Variants in PRKRIP1 observed in about 807,000 individuals in gnomAD.
The protein encoded by PRKRIP1 is PRKR interacting protein 1, also known as PRKR-interacting protein 1.
Under a neutral mutation model 29.3 loss-of-function variants are expected in PRKRIP1, and 29 were observed. That is an observed-to-expected ratio of 0.99 (90% CI 0.74 to 1.35). PRKRIP1 has a LOEUF of 1.35. PRKRIP1 is among the 40% of genes most tolerant of loss of function. The pLI is 0.00. For synonymous variants in PRKRIP1, 90 were observed against 85.1 expected (o/e 1.06, Z -0.32); for missense variants, 247 against 236.8 (o/e 1.04, Z -0.28).
intron 5 of PRKRIP1, among the ~76,000 whole-genome samples, chr7:102,418,531 A>G (rs966511059): frequency 2.0e-5 from 3 of 152,076 alleles, no homozygotes; most frequent in Admixed American, 6.6e-5. Context: ...ACCCATAACC[A>G]TCCCCATCCA....
chr7:102,421,563 C>T (rs974776285), intron 5 of PRKRIP1, among the ~76,000 whole-genome samples: 1 of 152,086 alleles, frequency 6.6e-6, no homozygotes, highest in African/African-American at 2.4e-5. Flanking sequence ...CTTTGGGAGG[C>T]CAAGGTGGGC....
chr7:102,418,709 A>G (rs1045865726), intron 5 of PRKRIP1, among the ~76,000 whole-genome samples: 8 of 152,246 alleles, frequency 5.3e-5, no homozygotes, highest in African/African-American at 1.9e-4. Flanking sequence ...GCCAGCATAC[A>G]TGGATAATGG....
intron 5 of PRKRIP1, among the ~76,000 whole-genome samples, chr7:102,417,362 C>T (rs1554573231): frequency 2.0e-5 from 3 of 152,080 alleles, no homozygotes; most frequent in Non-Finnish European, 2.9e-5. Flanking sequence ...GGGCTGTGTT[C>T]CTCCTCCCTG....
chr7:102,423,173 G>A, intron 5 of PRKRIP1: 1 of 449,652 alleles, frequency 2.2e-6, no homozygotes, highest in South Asian at 1.6e-5. Context: ...GGAGTGCAGT[G>A]GCGCTATCTC....
chr7:102,423,511 G>C, intron 5 of PRKRIP1: 1 of 218,238 alleles, frequency 4.6e-6, no homozygotes, highest in Admixed American at 5.3e-5. Context: ...GAGATCTCGA[G>C]CAGCAAGTTC....
chr7:102,405,179 G>A (rs141114451), intron 4 of PRKRIP1, among the ~76,000 whole-genome samples: 109 of 152,144 alleles, frequency 7.2e-4, no homozygotes, highest in Middle Eastern at 3.4e-3. Flanking sequence ...CGCCTGCTTC[G>A]GCCTCCCAAA....
intron 5 of PRKRIP1, among the ~76,000 whole-genome samples, chr7:102,421,947 C>T (rs1370087206): frequency 3.3e-5 from 5 of 152,074 alleles, no homozygotes; most frequent in African/African-American, 9.7e-5. Context: ...CTATTTTCCA[C>T]TGTATGAATG....
At chr7:102,416,104 C>T (rs1306702795) in intron 5 of PRKRIP1, among the ~76,000 whole-genome samples, 1 of 152,268 alleles carries the variant, frequency 6.6e-6, no homozygotes, top group Non-Finnish European at 1.5e-5. Context: ...CCCTAGAAGT[C>T]GCCTTTCCTG....
chr7:102,423,078 T>TTC (rs1490675555), intron 5 of PRKRIP1: 2 of 446,446 alleles, frequency 4.5e-6, no homozygotes, highest in Non-Finnish European at 9.0e-6. Context: ...TCAACGAGTA[T>TTC]TGTATTCATC....
intron 5 of PRKRIP1, among the ~76,000 whole-genome samples, chr7:102,417,349 G>T (rs568409146): frequency 6.6e-6 from 1 of 152,130 alleles, no homozygotes; most frequent in Non-Finnish European, 1.5e-5. Context: ...CATAGGGAGT[G>T]TGGGGCTGTG....
At chr7:102,404,152 G>A (rs980628169) in intron 3 of PRKRIP1, among the ~76,000 whole-genome samples, 3 of 152,170 alleles carry the variant, frequency 2.0e-5, no homozygotes, top group Non-Finnish European at 2.9e-5. Context: ...GACAGAGTAA[G>A]ACCTTGTCTC....
At chr7:102,412,226 A>C (rs1174044091) in intron 5 of PRKRIP1, among the ~76,000 whole-genome samples, 1 of 152,206 alleles carries the variant, frequency 6.6e-6, no homozygotes, top group Non-Finnish European at 1.5e-5. Context: ...TTTGTACCAA[A>C]TGGGAAGAAT....
chr7:102,413,481 G>C (rs140458004), intron 5 of PRKRIP1, among the ~76,000 whole-genome samples: 8 of 152,300 alleles, frequency 5.3e-5, no homozygotes, highest in African/African-American at 1.9e-4. Flanking sequence ...ATAAAAGTTG[G>C]CTGGGCACAG....
intron 5 of PRKRIP1, among the ~76,000 whole-genome samples, chr7:102,423,818 A>G (rs538729215): frequency 9.2e-4 from 140 of 152,224 alleles, no homozygotes; most frequent in Non-Finnish European, 1.7e-3. Context: ...CGAGGACTAT[A>G]GGCATGTGTC....
chr7:102,405,988 AAG>A, intron 4 of PRKRIP1: 1 of 249,908 alleles, frequency 4.0e-6, no homozygotes, highest in Non-Finnish European at 8.1e-6. Context: ...GTGCTTGAAG[AAG>A]TGGTAGTCGG....
chr7:102,417,718 A>G (rs937887403), intron 5 of PRKRIP1, among the ~76,000 whole-genome samples: 3 of 150,908 alleles, frequency 2.0e-5, no homozygotes, highest in African/African-American at 7.3e-5. Context: ...TCCGGGCTCA[A>G]ACAATCCTCT....
chr7:102,399,638 T>C lies in PRKRIP1; in HGVS notation c.296T>C (p.Met99Thr). The C allele has an allele frequency of 6.2e-7, 1 of 1,613,346 alleles. No homozygotes were observed. Among genetic ancestry groups the C allele is most frequent in the Admixed American group, 1.7e-5 (1 of 60,012 alleles). The part of the protein sequence containing the change: ...EYQRQDYMDA[M>T]AEKQKLDAEF... ...CAGCGACAGGACTACATGGATGCCA[T>C]GGCTGAGAAGGTCAGTGAGCCAGAA... The change falls in exon 3 of 6, where the codon ATG (methionine) becomes ACG (threonine). Residue 99 changes from methionine (M) to threonine (T), a missense_variant. Around this residue, in one of 3 missense-constraint regions of PRKRIP1, gnomAD observed 134 missense variants for 126.6 expected, o/e 1.06. Transcript: ENST00000397912.
At chr7:102,407,229 AAG>A (rs1414595169) in intron 4 of PRKRIP1, among the ~76,000 whole-genome samples, 4 of 152,100 alleles carry the variant, frequency 2.6e-5, no homozygotes, top group African/African-American at 9.7e-5. Context: ...AAAAAAAAAA[AAG>A]AAGATATTCC....
chr7:102,418,022 T>TTTC (rs139908003), intron 5 of PRKRIP1, among the ~76,000 whole-genome samples: 166 of 141,194 alleles, frequency 1.2e-3, no homozygotes, highest in African/African-American at 3.7e-3. Context: ...TGGCTGCTGC[T>TTTC]TTCTTCTTCT....
Sources: allele counts gnomAD v4.1 joint callset (sites outside exome capture counted in the v4.1 genomes callset), GRCh38; gene constraint gnomAD v4.1.1; regional missense constraint gnomAD v4.1.1; transcripts MANE v1.5; gene names NCBI Gene and HGNC (gene_info 2026-07-23, HGNC 2026-07-21).